Variants in GSE1 observed in about 807,000 individuals in gnomAD.
GSE1 encodes the protein Gse1 coiled-coil protein, also known as genetic suppressor element 1.
Under a neutral mutation model 112.6 loss-of-function variants are expected in GSE1, and 32 were observed. The ratio of observed to expected loss-of-function variants is 0.28; its 90% confidence interval spans 0.21 to 0.38. The LOEUF (loss-of-function observed/expected upper bound fraction) is 0.38, where lower values mean the gene tolerates loss of function less well. GSE1 is among the 10% of genes least tolerant of loss of function. GSE1 has a pLI of 1.00. For missense variants in GSE1, 2,348 were observed against 1,699.2 expected (o/e 1.38, Z -6.71); for synonymous variants, 1,115 against 735.6 (o/e 1.52, Z -8.35).
intron 1 of GSE1, among the ~76,000 whole-genome samples, chr16:85,188,190 C>T (rs891277213): frequency 2.6e-4 from 40 of 152,138 alleles, no homozygotes; most frequent in Non-Finnish European, 4.3e-4. Context: ...ATCTGAGAGA[C>T]GGAGGGGCAT....
At chr16:85,654,737 T>C in intron 4 of GSE1, 57 bp from the exon 5 acceptor site, 1 of 1,065,166 alleles carries the variant, frequency 9.4e-7, no homozygotes. Context: ...CGTCCCCCCA[T>C]GCAGGAGCAG....
intron 1 of GSE1, among the ~76,000 whole-genome samples, chr16:85,576,907 G>T (rs967837526): frequency 1.3e-5 from 2 of 152,182 alleles, no homozygotes; most frequent in African/African-American, 4.8e-5. Flanking sequence ...CCCCAGTTTT[G>T]CAACACTGCC....
At chr16:85,317,560 T>C (rs1472642603) in intron 1 of GSE1, among the ~76,000 whole-genome samples, 1 of 152,030 alleles carries the variant, frequency 6.6e-6, no homozygotes, top group African/African-American at 2.4e-5. Context: ...CAGTGAGTGT[T>C]GGTGAGCATC....
rs572477910 is a variant in GSE1, at chr16:85,210,502, T to C, written c.2283+38695T>C. On this transcript the variant is annotated intron_variant, in intron 1 of 2. Coordinates refer to the GSE1 transcript ENST00000637419. Reference sequence around the variant, plus strand: ...TACTCGGGAGGCTGAGGTAGGAGGATTGCTTGAGCCAGGGAGGTCCAGGCT... The same window carrying C: ...TACTCGGGAGGCTGAGGTAGGAGGACTGCTTGAGCCAGGGAGGTCCAGGCT... 1.1e-3 allele frequency among the ~76,000 whole-genome samples: 171 copies of C among 152,246 alleles called. 1 individual carries two copies. Among genetic ancestry groups the C allele is most frequent in the African/African-American group, 3.9e-3 (161 of 41,534 alleles).
chr16:85,648,347 G>GAAAA (rs1251704925), intron 2 of GSE1, among the ~76,000 whole-genome samples: 1 of 152,058 alleles, frequency 6.6e-6, no homozygotes. Flanking sequence ...GAGTGCCCGG[G>GAAAA]GTAGACTGAG....
At chr16:85,528,472 C>T (rs910755832) in intron 2 of GSE1, among the ~76,000 whole-genome samples, 3 of 142,670 alleles carry the variant, frequency 2.1e-5, no homozygotes, top group Non-Finnish European at 4.5e-5. Context: ...CACCACCACC[C>T]CCGGCTAATT....
rs909202941 is a variant in GSE1 at position 85,311,461 on chromosome 16, C to T, written c.2284-46002C>T. ...CACAAGAGAGCTGCTGGGGACAGGA[C>T]GTGGGCGGAGCCCTCGGCTGCCTCC... On this transcript the variant is annotated intron_variant, in intron 1 of 2. Transcript: ENST00000637419. The surrounding 1 kb of genome is among the most constrained non-coding windows in gnomAD (Gnocchi z 4.2). Among the ~76,000 whole-genome samples the T allele has an allele frequency of 5.0e-5, 7 of 141,132 alleles. No homozygotes were observed. Among genetic ancestry groups the T allele is most frequent in the Non-Finnish European group, 7.8e-5 (5 of 64,036 alleles). 92.6% of individuals were successfully genotyped at this position (141,132 alleles called of 152,430 possible). A position where few individuals can be genotyped will look rare whatever the true frequency, so the allele number is the denominator to read the frequency against.
chr16:85,472,422 C>G (rs940796992), intron 2 of GSE1, among the ~76,000 whole-genome samples: 1 of 152,206 alleles, frequency 6.6e-6, no homozygotes, highest in African/African-American at 2.4e-5. Flanking sequence ...CCGCGGCCTT[C>G]TTTCTGAGTG....
intron 2 of GSE1, among the ~76,000 whole-genome samples, chr16:85,523,940 C>T (rs773671770): frequency 1.2e-4 from 18 of 152,278 alleles, no homozygotes; most frequent in East Asian, 1.9e-4. Flanking sequence ...CTTACTCCCT[C>T]GGTTTCTGGC....
chr16:85,262,593 G>A (rs1010785397), intron 1 of GSE1, among the ~76,000 whole-genome samples: 2 of 152,220 alleles, frequency 1.3e-5, no homozygotes, highest in Admixed American at 6.5e-5. Flanking sequence ...TTGTCAGCAG[G>A]AGAAGGACGC....
At chr16:85,237,228 C>G (rs962272954) in intron 1 of GSE1, among the ~76,000 whole-genome samples, 1 of 152,132 alleles carries the variant, frequency 6.6e-6, no homozygotes, top group African/African-American at 2.4e-5. Context: ...GAGGCTGAGG[C>G]AGGAGAATGA....
intron 1 of GSE1, among the ~76,000 whole-genome samples, chr16:85,172,051 G>T (rs956922630): frequency 6.6e-6 from 1 of 152,208 alleles, no homozygotes; most frequent in African/African-American, 2.4e-5. Flanking sequence ...TGGTCTTAGG[G>T]AAGAATAGGG....
At chr16:85,440,611 G>A (rs1257735792) in intron 2 of GSE1, among the ~76,000 whole-genome samples, 2 of 152,254 alleles carry the variant, frequency 1.3e-5, no homozygotes, top group African/African-American at 4.8e-5. Flanking sequence ...AGATTCCCTG[G>A]CTGGGGTCAG....
At chr16:85,196,717 G>A (rs2074934417) in intron 1 of GSE1, among the ~76,000 whole-genome samples, 1 of 152,136 alleles carries the variant, frequency 6.6e-6, no homozygotes, top group South Asian at 2.1e-4. Context: ...ATCCTTCTTT[G>A]CCAAGGCTCC....
chr16:85,612,388 T>C (rs950589808), upstream of GSE1, among the ~76,000 whole-genome samples: 1 of 150,960 alleles, frequency 6.6e-6, no homozygotes, highest in African/African-American at 2.4e-5. Flanking sequence ...TGAGGTAGGG[T>C]GGGGGGTGCC....
chr16:85,526,598 T>A (rs998522193), intron 2 of GSE1, among the ~76,000 whole-genome samples: 1 of 151,930 alleles, frequency 6.6e-6, no homozygotes, highest in African/African-American at 2.4e-5. Context: ...TTACAGGCAG[T>A]GTGGGATGTG....
chr16:85,404,521 C>G (rs2048218284), intron 2 of GSE1, among the ~76,000 whole-genome samples: 2 of 73,446 alleles, frequency 2.7e-5, no homozygotes, highest in African/African-American at 1.4e-4. Flanking sequence ...CACTGTTACT[C>G]TCAGGCCCCC....
In GSE1 at chr16:85,566,033, A is replaced by T. The variant is rs141930591; in HGVS notation, c.37+9670A>T. Among the ~76,000 whole-genome samples, 22 of 152,132 alleles carry T rather than the reference A, an allele frequency of 1.4e-4. No individual in the cohort carries two copies. The East Asian group carries it at 3.5e-3, about 24-fold the overall frequency. On this transcript the variant is annotated intron_variant, in intron 1 of 2. Transcript: ENST00000635906. ...ACCCTCTCTGGATCTCTGTTTTCTC[A>T]TCTGCTAAATGGGGCCAGTAGCGGA...
At chr16:85,557,465 A>G (rs757784542) in intron 1 of GSE1, among the ~76,000 whole-genome samples, 1 of 151,956 alleles carries the variant, frequency 6.6e-6, no homozygotes, top group Non-Finnish European at 1.5e-5. Context: ...TAGTTTTCCC[A>G]TGTTGAGGCT....
Sources: allele counts gnomAD v4.1 joint callset (sites outside exome capture counted in the v4.1 genomes callset), GRCh38; gene constraint gnomAD v4.1.1; non-coding constraint Gnocchi (gnomAD v3.1); transcripts MANE v1.5; gene names NCBI Gene and HGNC (gene_info 2026-07-23, HGNC 2026-07-21).